Variants in RIMS2 observed in about 807,000 individuals in gnomAD.
The protein encoded by RIMS2 is regulating synaptic membrane exocytosis protein 2.
RIMS2 carries 59 observed loss-of-function variants against 174.4 expected under a neutral mutation model. The ratio of observed to expected loss-of-function variants is 0.34; its 90% CI spans 0.27 to 0.42. RIMS2 has a LOEUF of 0.42. RIMS2 is among the 10% of genes least tolerant of loss of function. The pLI is 1.00. For synonymous variants in RIMS2, 606 were observed against 572.5 expected, an observed-to-expected ratio of 1.06 and a Z score of -0.84; for missense variants, 1,620 against 1,666.3, an observed-to-expected ratio of 0.97 and a Z score of 0.48.
exon 18 of RIMS2, chr8:104,013,542 C>A (rs768011071): frequency 6.2e-7 from 1 of 1,613,786 alleles, no homozygotes; most frequent in South Asian, 1.1e-5. Flanking sequence ...ATCCACTGAA[C>A]GTCCTGATAC....
intron 17 of RIMS2, among the ~76,000 whole-genome samples, chr8:103,992,274 A>ATT (rs1186537194): frequency 0.17 from 17,793 of 106,344 alleles, 1,727 homozygotes; most frequent in South Asian, 0.3. Flanking sequence ...ATGTCCAGCT[A>ATT]TTTTTTTTTT....
intron 19 of RIMS2, among the ~76,000 whole-genome samples, chr8:104,079,412 C>T (rs1249036048): frequency 6.6e-6 from 1 of 151,228 alleles, no homozygotes; most frequent in Non-Finnish European, 1.5e-5. Context: ...CATCAAGGCT[C>T]CAGAGTTGCT....
chr8:104,057,195 C>T (rs1318561601), intron 19 of RIMS2, among the ~76,000 whole-genome samples: 3 of 151,662 alleles, frequency 2.0e-5, no homozygotes, highest in African/African-American at 7.3e-5. Flanking sequence ...GCTTCCCATG[C>T]ATATGGGACC....
intron 1 of RIMS2, among the ~76,000 whole-genome samples, chr8:103,544,548 C>A (rs559096922): frequency 6.6e-6 from 1 of 152,224 alleles, no homozygotes; most frequent in Non-Finnish European, 1.5e-5. Context: ...CTACCCTCCC[C>A]CACCTCTTAC....
chr8:104,231,511 T>G (rs1240117031), intron 19 of RIMS2, among the ~76,000 whole-genome samples: 1 of 152,226 alleles, frequency 6.6e-6, no homozygotes, highest in Non-Finnish European at 1.5e-5. Context: ...CCTTCAAAGC[T>G]GGGCTCATAT....
At chr8:103,687,679 A>G (rs1230198465) in intron 1 of RIMS2, among the ~76,000 whole-genome samples, 1 of 152,068 alleles carries the variant, frequency 6.6e-6, no homozygotes, top group Non-Finnish European at 1.5e-5. Flanking sequence ...CCCATACCCC[A>G]GTCTCTGGTG....
At chr8:103,965,114 C>T (rs1422786032) in intron 15 of RIMS2, among the ~76,000 whole-genome samples, 1 of 152,090 alleles carries the variant, frequency 6.6e-6, no homozygotes, top group Admixed American at 6.5e-5. Flanking sequence ...TCATTCTTCT[C>T]CTTCAATACT....
At chr8:103,525,325 T>C (rs187885128) in intron 1 of RIMS2, among the ~76,000 whole-genome samples, 214 of 152,344 alleles carry the variant, frequency 1.4e-3, no homozygotes, top group Middle Eastern at 3.4e-3. Flanking sequence ...TAATTTATTG[T>C]AAGCCCTAAG....
At chr8:103,705,366 A>G (rs564509557) in intron 2 of RIMS2, among the ~76,000 whole-genome samples, 1 of 152,222 alleles carries the variant, frequency 6.6e-6, no homozygotes, top group East Asian at 1.9e-4. Context: ...GGCCTAAGAT[A>G]TGATCTGTTT....
intron 3 of RIMS2, among the ~76,000 whole-genome samples, chr8:103,876,907 T>TATATATATAC (rs2099142917): frequency 4.1e-5 from 2 of 48,432 alleles, no homozygotes; most frequent in Non-Finnish European, 1.0e-4. Context: ...TATATATATA[T>TATATATATAC]ATACACACAC....
intron 19 of RIMS2, among the ~76,000 whole-genome samples, chr8:104,109,077 C>T (rs905574915): frequency 6.6e-6 from 1 of 151,824 alleles, no homozygotes; most frequent in African/African-American, 2.4e-5. Flanking sequence ...GCGGACAGAT[C>T]AATAGGTCAG....
At chr8:103,797,437 G>T (rs1321238575) in intron 3 of RIMS2, among the ~76,000 whole-genome samples, 1 of 152,154 alleles carries the variant, frequency 6.6e-6, no homozygotes, top group Non-Finnish European at 1.5e-5. Flanking sequence ...GAATTAGAAT[G>T]AATTGAACTA....
At chr8:103,891,092 C>T (rs1472787757) in intron 4 of RIMS2, among the ~76,000 whole-genome samples, 1 of 152,024 alleles carries the variant, frequency 6.6e-6, no homozygotes, top group East Asian at 1.9e-4. Context: ...CGTCCTCATC[C>T]TTATCCACTT....
At chr8:103,516,344 TAAAATTTCA>T (rs929826967) in intron 1 of RIMS2, among the ~76,000 whole-genome samples, 1 of 152,132 alleles carries the variant, frequency 6.6e-6, no homozygotes, top group African/African-American at 2.4e-5. Flanking sequence ...CTTCAATAAC[TAAAATTTCA>T]AAAATTTCAT....
chr8:104,014,914 A>C (rs2095860517), intron 19 of RIMS2, among the ~76,000 whole-genome samples: 1 of 152,188 alleles, frequency 6.6e-6, no homozygotes, highest in Admixed American at 6.6e-5. Context: ...GCTACAAATA[A>C]GTTTATGTAA....
intron 19 of RIMS2, among the ~76,000 whole-genome samples, chr8:104,141,895 T>C (rs1387894126): frequency 6.6e-6 from 1 of 152,138 alleles, no homozygotes; most frequent in Non-Finnish European, 1.5e-5. Flanking sequence ...TCCCTTGTTA[T>C]TTTATTCCAT....
chr8:103,895,496 A>C (rs184327692), intron 4 of RIMS2, among the ~76,000 whole-genome samples: 2 of 151,412 alleles, frequency 1.3e-5, no homozygotes, highest in Non-Finnish European at 2.9e-5. Flanking sequence ...TACTAATTCC[A>C]TCATGAAGAC....
chr8:103,858,975 A>G (rs1354781975), intron 3 of RIMS2, among the ~76,000 whole-genome samples: 2 of 152,106 alleles, frequency 1.3e-5, no homozygotes, highest in African/African-American at 4.8e-5. Context: ...AGCAATAGAT[A>G]TAGATAATTA....
intron 19 of RIMS2, among the ~76,000 whole-genome samples, chr8:104,204,798 T>A (rs2099072038): frequency 6.6e-6 from 1 of 152,188 alleles, no homozygotes; most frequent in Non-Finnish European, 1.5e-5. Context: ...AGCTCCAGAT[T>A]ACAACCCCTC....
Sources: gnomAD v4.1 joint callset for allele counts (sites outside exome capture counted in the v4.1 genomes callset) on GRCh38, gnomAD v4.1.1 for gene constraint, MANE v1.5 for transcripts, NCBI Gene and HGNC (gene_info 2026-07-23, HGNC 2026-07-21) for gene names.